The following SLC39A11 variants were observed in gnomAD, a reference collection of about 807,000 sequenced individuals.
The protein encoded by SLC39A11 is zinc transporter ZIP11.
Under a neutral mutation model 36.1 loss-of-function variants are expected in SLC39A11, and 33 were observed. The ratio of observed to expected loss-of-function variants is 0.91; its 90% CI spans 0.69 to 1.22. The LOEUF is 1.22. Among genes scored for constraint, SLC39A11 ranks in the 50% most tolerant of loss-of-function variants. The probability of loss-of-function intolerance (pLI) is 0.00; values close to 1 mark genes in which losing one functional copy is unlikely to be tolerated. For synonymous variants in SLC39A11, 166 were observed against 170.3 expected, an observed-to-expected ratio of 0.97 and a Z score of 0.20; for missense variants, 432 against 430.3, an observed-to-expected ratio of 1.00 and a Z score of -0.03.
At chr17:72,675,345 G>A (rs1051224162) in intron 7 of SLC39A11, among the ~76,000 whole-genome samples, 2 of 152,194 alleles carry the variant, frequency 1.3e-5, no homozygotes, top group African/African-American at 4.8e-5. Flanking sequence ...GAACCAGCAA[G>A]TGGGTCCTCA....
intron 4 of SLC39A11, among the ~76,000 whole-genome samples, chr17:73,000,472 C>G (rs2089759844): frequency 1.3e-5 from 2 of 152,194 alleles, no homozygotes; most frequent in African/African-American, 2.4e-5. Flanking sequence ...ACATAGGCCT[C>G]TGGTGCTGCA....
At chr17:73,033,097 T>C (rs2058790226) in intron 3 of SLC39A11, among the ~76,000 whole-genome samples, 1 of 152,180 alleles carries the variant, frequency 6.6e-6, no homozygotes, top group African/African-American at 2.4e-5. Context: ...GCTCACAACC[T>C]AGATCCGTGG....
At chr17:73,049,627 G>C (rs1368023026) in intron 3 of SLC39A11, among the ~76,000 whole-genome samples, 1 of 152,206 alleles carries the variant, frequency 6.6e-6, no homozygotes, top group East Asian at 1.9e-4. Context: ...TATGATTTAG[G>C]AAGATGATGC....
chr17:72,818,564 T>TTC (rs1156668714), intron 6 of SLC39A11, among the ~76,000 whole-genome samples: 2 of 152,238 alleles, frequency 1.3e-5, no homozygotes, highest in African/African-American at 4.8e-5. Flanking sequence ...AAAACCTATG[T>TTC]TCTTTTTCCC....
intron 6 of SLC39A11, among the ~76,000 whole-genome samples, chr17:72,769,326 T>C (rs1325814879): frequency 6.6e-6 from 1 of 152,192 alleles, no homozygotes; most frequent in Non-Finnish European, 1.5e-5. Flanking sequence ...GTTAATGACC[T>C]TTAAAAACCC....
At chr17:72,752,531 C>T (rs2344337) in intron 6 of SLC39A11, among the ~76,000 whole-genome samples, 2,675 of 152,306 alleles carry the variant, frequency 0.018, 78 homozygotes, top group African/African-American at 0.06. Flanking sequence ...CAGGTGTGAG[C>T]CACCACGCCC....
intron 6 of SLC39A11, among the ~76,000 whole-genome samples, chr17:72,784,348 A>C (rs933691585): frequency 2.0e-5 from 3 of 152,138 alleles, no homozygotes; most frequent in Non-Finnish European, 4.4e-5. Flanking sequence ...CTGTCTCTAA[A>C]ACAAAACAAA....
intron 6 of SLC39A11, among the ~76,000 whole-genome samples, chr17:72,792,157 T>C (rs1420134588): frequency 2.2e-4 from 34 of 152,192 alleles, no homozygotes; most frequent in Admixed American, 2.2e-3. Flanking sequence ...CAAGCAATGC[T>C]GCACAGACTA....
intron 7 of SLC39A11, among the ~76,000 whole-genome samples, chr17:72,720,511 C>T (rs2073616375): frequency 6.6e-6 from 1 of 152,126 alleles, no homozygotes; most frequent in Admixed American, 6.5e-5. Context: ...AGTTCTTCTC[C>T]TGGGGAGGCA....
intron 6 of SLC39A11, among the ~76,000 whole-genome samples, chr17:72,844,352 G>T (rs1190531311): frequency 6.6e-6 from 1 of 152,206 alleles, no homozygotes; most frequent in Non-Finnish European, 1.5e-5. Flanking sequence ...GCTTCATCCA[G>T]TGTCAGGGGT....
intron 6 of SLC39A11, among the ~76,000 whole-genome samples, chr17:72,830,673 A>C (rs2078244022): frequency 1.3e-5 from 2 of 152,276 alleles, no homozygotes; most frequent in African/African-American, 4.8e-5. Context: ...TTTTAGGACT[A>C]AACAAATCAG....
intron 5 of SLC39A11, among the ~76,000 whole-genome samples, chr17:72,869,714 T>C (rs916849375): frequency 1.3e-5 from 2 of 151,860 alleles, no homozygotes; most frequent in Admixed American, 6.6e-5. Context: ...ATTTTCATAA[T>C]ACAAAAAGCA....
intron 6 of SLC39A11, among the ~76,000 whole-genome samples, chr17:72,759,693 G>A (rs962571): frequency 0.19 from 29,278 of 151,900 alleles, 3,272 homozygotes; most frequent in East Asian, 0.4. Flanking sequence ...AAATTCATGA[G>A]AAAAGCACAA....
chr17:72,862,447 T>C (rs1427403250), intron 5 of SLC39A11, among the ~76,000 whole-genome samples: 6 of 152,152 alleles, frequency 3.9e-5, no homozygotes, highest in African/African-American at 1.4e-4. Context: ...CCCTGCTTGG[T>C]GAACCCTAAG....
At chr17:72,807,921 A>C (rs1054393480) in intron 6 of SLC39A11, among the ~76,000 whole-genome samples, 2 of 152,114 alleles carry the variant, frequency 1.3e-5, no homozygotes. Context: ...TAGCATCTGA[A>C]GTAAGGGATC....
chr17:73,066,950 G>T (rs533594972), intron 3 of SLC39A11, among the ~76,000 whole-genome samples: 19 of 152,116 alleles, frequency 1.2e-4, no homozygotes, highest in African/African-American at 3.9e-4. Context: ...TATTTTTATC[G>T]TATATCCTTT....
At chr17:72,828,283 G>C (rs1195529470) in intron 6 of SLC39A11, among the ~76,000 whole-genome samples, 4 of 152,186 alleles carry the variant, frequency 2.6e-5, no homozygotes, top group Non-Finnish European at 1.5e-5. Context: ...TAATCATAAG[G>C]GTCCTTAAAA....
chr17:73,043,648 A>G (rs1212454371), intron 3 of SLC39A11, among the ~76,000 whole-genome samples: 2 of 152,158 alleles, frequency 1.3e-5, no homozygotes, highest in African/African-American at 4.8e-5. Context: ...GGACACCAAC[A>G]TCCAGCTGTT....
intron 6 of SLC39A11, among the ~76,000 whole-genome samples, chr17:72,832,358 A>G (rs921091864): frequency 2.0e-5 from 3 of 152,132 alleles, no homozygotes; most frequent in African/African-American, 7.2e-5. Flanking sequence ...GCAGACTTCT[A>G]CCCCCTCGAA....
Sources: gnomAD v4.1 joint callset for allele counts (sites outside exome capture counted in the v4.1 genomes callset) on GRCh38, gnomAD v4.1.1 for gene constraint, MANE v1.5 for transcripts, NCBI Gene and HGNC (gene_info 2026-07-23, HGNC 2026-07-21) for gene names.